ADGRL3: variants seen among roughly 807,000 people sequenced by gnomAD.
The protein encoded by ADGRL3 is adhesion G protein-coupled receptor L3.
A neutral mutation model predicts 153.5 loss-of-function variants in ADGRL3; 62 were observed. The observed-to-expected ratio is 0.40, with a 90% CI of 0.33 to 0.50. The LOEUF (loss-of-function observed/expected upper bound fraction) is 0.50. Among genes scored for constraint, ADGRL3 ranks in the 20% least tolerant of loss-of-function variants. The probability of loss-of-function intolerance (pLI) is 0.47; values close to 1 mark genes in which losing one functional copy is unlikely to be tolerated. For synonymous variants in ADGRL3, 710 were observed against 672.5 expected (o/e 1.06, Z -0.86); for missense variants, 1,641 against 1,859.4 (o/e 0.88, Z 2.16).
chr4:61,886,455 T>C (rs2098539389), intron 9 of ADGRL3, among the ~76,000 whole-genome samples: 2 of 151,938 alleles, frequency 1.3e-5, no homozygotes, highest in African/African-American at 4.8e-5. Context: ...AGCCAAAAGA[T>C]TGTCTACTAG....
intron 4 of ADGRL3, among the ~76,000 whole-genome samples, chr4:61,544,397 C>T (rs2098704261): frequency 1.3e-5 from 2 of 152,134 alleles, no homozygotes; most frequent in South Asian, 2.1e-4. Flanking sequence ...TCTTTATAGT[C>T]TTTACCTATT....
At chr4:61,563,145 A>T (rs1395833821) in intron 4 of ADGRL3, among the ~76,000 whole-genome samples, 4 of 152,134 alleles carry the variant, frequency 2.6e-5, no homozygotes, top group African/African-American at 7.2e-5. Context: ...CTCGATCTAT[A>T]GACTGGAGTA....
intron 17 of ADGRL3, among the ~76,000 whole-genome samples, chr4:61,977,651 G>T (rs1466399015): frequency 1.3e-5 from 2 of 152,094 alleles, no homozygotes; most frequent in African/African-American, 4.8e-5. Context: ...GCAGTATGAG[G>T]AGTGTTATGA....
chr4:61,651,143 G>A (rs897693292), intron 5 of ADGRL3, among the ~76,000 whole-genome samples: 8 of 152,036 alleles, frequency 5.3e-5, no homozygotes, highest in Admixed American at 3.3e-4. Context: ...GCTTATGGAG[G>A]CATTTTCTAT....
chr4:61,993,164 T>TTA (rs1553904369), intron 19 of ADGRL3, among the ~76,000 whole-genome samples: 1 of 138,424 alleles, frequency 7.2e-6, no homozygotes, highest in African/African-American at 2.7e-5. Flanking sequence ...TGGGCTGCAG[T>TTA]TGTGTGTGTG....
intron 1 of ADGRL3, among the ~76,000 whole-genome samples, chr4:61,377,178 G>T (rs1421708552): frequency 6.6e-6 from 1 of 151,896 alleles, no homozygotes; most frequent in Admixed American, 6.6e-5. Context: ...GTACGGAATG[G>T]TATAGTATCA....
At chr4:61,769,715 G>A (rs896958544) in intron 8 of ADGRL3, among the ~76,000 whole-genome samples, 1 of 151,646 alleles carries the variant, frequency 6.6e-6, no homozygotes, top group African/African-American at 2.4e-5. Flanking sequence ...CAGTCCAAGG[G>A]GGTTTGTTCT....
chr4:61,406,392 A>G (rs2096996708), intron 2 of ADGRL3, among the ~76,000 whole-genome samples: 1 of 151,878 alleles, frequency 6.6e-6, no homozygotes, highest in Admixed American at 6.6e-5. Flanking sequence ...GAGGGAGTAC[A>G]TATTGCTTAT....
intron 21 of ADGRL3, among the ~76,000 whole-genome samples, chr4:62,023,237 G>C (rs1370620643): frequency 6.6e-6 from 1 of 152,132 alleles, no homozygotes; most frequent in African/African-American, 2.4e-5. Flanking sequence ...ATAACTAGAA[G>C]TAGAAGTGGA....
chr4:61,317,225 A>G (rs756997650), intron 1 of ADGRL3, among the ~76,000 whole-genome samples: 3 of 152,224 alleles, frequency 2.0e-5, no homozygotes, highest in Non-Finnish European at 2.9e-5. Flanking sequence ...AAGTACATTA[A>G]TACATTTCTT....
At chr4:62,010,479 A>G (rs2099180469) in intron 21 of ADGRL3, among the ~76,000 whole-genome samples, 1 of 152,174 alleles carries the variant, frequency 6.6e-6, no homozygotes, top group South Asian at 2.1e-4. Context: ...ATGAATACAT[A>G]GTACTCTTAT....
chr4:61,869,604 CA>C (rs2098424240), intron 9 of ADGRL3, among the ~76,000 whole-genome samples: 1 of 151,054 alleles, frequency 6.6e-6, no homozygotes, highest in Admixed American at 6.6e-5. Context: ...GACTCCGTCT[CA>C]AAAAAAGAAA....
chr4:61,604,818 C>A (rs567765700), intron 5 of ADGRL3, among the ~76,000 whole-genome samples: 1 of 152,116 alleles, frequency 6.6e-6, no homozygotes, highest in African/African-American at 2.4e-5. Context: ...TGGCCAGGAA[C>A]AATGGCTCAT....
At chr4:61,253,473 C>T (rs1278494609) in intron 1 of ADGRL3, among the ~76,000 whole-genome samples, 2 of 152,032 alleles carry the variant, frequency 1.3e-5, no homozygotes, top group African/African-American at 2.4e-5. Flanking sequence ...CATGGGTTCT[C>T]ATTTGTTGGG....
At chr4:61,264,488 CCTT>C (rs1448937656) in intron 1 of ADGRL3, among the ~76,000 whole-genome samples, 1 of 151,960 alleles carries the variant, frequency 6.6e-6, no homozygotes, top group African/African-American at 2.4e-5. Flanking sequence ...GAGGGCTGCT[CCTT>C]CTTTCTAAAT....
chr4:61,283,518 C>T (rs1490176616), intron 1 of ADGRL3, among the ~76,000 whole-genome samples: 1 of 151,950 alleles, frequency 6.6e-6, no homozygotes, highest in African/African-American at 2.4e-5. Context: ...CCTGTCTTCT[C>T]AGCTCTATTG....
chr4:61,719,602 A>AC (rs1346785156), intron 6 of ADGRL3, among the ~76,000 whole-genome samples: 3 of 113,392 alleles, frequency 2.6e-5, no homozygotes, highest in Non-Finnish European at 5.1e-5. Context: ...CCTCTGTCAT[A>AC]CCTTTTTTTT....
chr4:61,578,422 C>T (rs1186997293), intron 4 of ADGRL3, among the ~76,000 whole-genome samples: 1 of 152,082 alleles, frequency 6.6e-6, no homozygotes, highest in Admixed American at 6.6e-5. Context: ...ATTCCAGTAT[C>T]TTCCTCATTA....
chr4:61,912,803 T>TAA, intron 13 of ADGRL3, 46 bp downstream of exon 13: 1 of 1,556,256 alleles, frequency 6.4e-7, no homozygotes, highest in South Asian at 1.1e-5. Context: ...TGAATGTCTC[T>TAA]GTTGTGATGG....
Sources: allele counts gnomAD v4.1 joint callset (sites outside exome capture counted in the v4.1 genomes callset), GRCh38; gene constraint gnomAD v4.1.1; transcripts MANE v1.5; gene names NCBI Gene and HGNC (gene_info 2026-07-23, HGNC 2026-07-21).